Variants in IGFL2 observed in about 807,000 individuals in gnomAD.
The protein encoded by IGFL2 is IGF like family member 2.
A neutral mutation model predicts 13.9 loss-of-function variants in IGFL2; 7 were observed. The ratio of observed to expected loss-of-function variants is 0.51; its 90% CI spans 0.29 to 0.95. IGFL2 has a LOEUF of 0.95. Ranked by LOEUF, IGFL2 falls within the 40% of genes least tolerant of loss-of-function variation. IGFL2 has a pLI of 0.08. For missense variants in IGFL2, 138 were observed against 147.8 expected, an observed-to-expected ratio of 0.93 and a Z score of 0.34; for synonymous variants, 55 against 55.8, an observed-to-expected ratio of 0.99 and a Z score of 0.07.
At chr19:46,173,694 A>T in the IGFL2 span, 1 of 152,230 alleles carries the variant, frequency 6.6e-6, no homozygotes, top group Non-Finnish European at 1.5e-5. Context: ...TCCCATGACC[A>T]AAACACCTCC....
chr19:46,162,868 C>CCT (rs1255839350), downstream of IGFL2, among the ~76,000 whole-genome samples: 1 of 152,010 alleles, frequency 6.6e-6, no homozygotes, highest in Non-Finnish European at 1.5e-5. Flanking sequence ...GACATATGAC[C>CCT]CTCTGGCCAT....
At chr19:46,137,938 T>C in the IGFL2 span, among the ~76,000 whole-genome samples, 15 of 152,262 alleles carry the variant, frequency 9.9e-5, no homozygotes, top group Admixed American at 9.8e-4. Context: ...GTAGATTCTT[T>C]AGATAACTTG....
the IGFL2 span, among the ~76,000 whole-genome samples, chr19:46,100,119 A>C: frequency 1.3e-5 from 2 of 152,048 alleles, no homozygotes; most frequent in East Asian, 3.9e-4. Flanking sequence ...GCCTTCTGTC[A>C]ACTCATCCAT....
the IGFL2 span, among the ~76,000 whole-genome samples, chr19:46,122,762 A>C: frequency 1.3e-5 from 2 of 150,948 alleles, 1 homozygote; most frequent in African/African-American, 4.9e-5. Context: ...TACCTCTTAA[A>C]ACCCCCAACA....
the IGFL2 span, chr19:46,209,219 T>C: frequency 6.6e-6 from 1 of 152,294 alleles, no homozygotes; most frequent in Non-Finnish European, 1.5e-5. Flanking sequence ...GAAAGCATGA[T>C]GAAAGCCCTG....
chr19:46,173,181 G>A, the IGFL2 span, among the ~76,000 whole-genome samples: 2 of 152,146 alleles, frequency 1.3e-5, no homozygotes, highest in African/African-American at 4.8e-5. Context: ...TGAATGGGGT[G>A]GACTGTGCTA....
chr19:46,191,570 T>C, the IGFL2 span, among the ~76,000 whole-genome samples: 2 of 152,154 alleles, frequency 1.3e-5, no homozygotes, highest in African/African-American at 4.8e-5. Context: ...TACTTTGGAT[T>C]GAGTTCTCAA....
At chr19:46,158,251 A>G (rs1973930263) in intron 1 of IGFL2, among the ~76,000 whole-genome samples, 1 of 152,144 alleles carries the variant, frequency 6.6e-6, no homozygotes, top group Admixed American at 6.5e-5. Context: ...TCTGTCACCT[A>G]GACAGGAGTG....
the IGFL2 span, among the ~76,000 whole-genome samples, chr19:46,186,870 C>G: frequency 6.6e-6 from 1 of 152,190 alleles, no homozygotes; most frequent in Non-Finnish European, 1.5e-5. Context: ...GACAAGATGC[C>G]TGCTCTCTTA....
chr19:46,125,686 C>T, the IGFL2 span, among the ~76,000 whole-genome samples: 41 of 152,304 alleles, frequency 2.7e-4, no homozygotes, highest in African/African-American at 8.7e-4. Context: ...TCATTCTTAG[C>T]TTCCTGTACA....
the IGFL2 span, chr19:46,120,085 G>C: frequency 1.8e-6 from 1 of 545,900 alleles, no homozygotes; most frequent in Admixed American, 3.3e-5. Flanking sequence ...GGTAAATGTG[G>C]GGGATTTTAT....
At chr19:46,185,472 G>A in the IGFL2 span, among the ~76,000 whole-genome samples, 2 of 152,332 alleles carry the variant, frequency 1.3e-5, no homozygotes, top group Admixed American at 1.3e-4. Context: ...GATAGCAGCT[G>A]CCAAGTCAAG....
At chr19:46,106,069 G>T in the IGFL2 span, among the ~76,000 whole-genome samples, 1 of 152,230 alleles carries the variant, frequency 6.6e-6, no homozygotes, top group South Asian at 2.1e-4. Context: ...AAAGGAGAAA[G>T]TACCTTAACC....
the IGFL2 span, among the ~76,000 whole-genome samples, chr19:46,187,470 G>A: frequency 1.4e-5 from 2 of 143,424 alleles, no homozygotes; most frequent in Non-Finnish European, 3.0e-5. Flanking sequence ...GAGACGGTAA[G>A]CATTAACCCG....
the IGFL2 span, among the ~76,000 whole-genome samples, chr19:46,101,893 G>A: frequency 6.5e-4 from 99 of 152,348 alleles, no homozygotes; most frequent in African/African-American, 2.3e-3. Context: ...GTAACATTGA[G>A]GTGGGCAAAT....
the IGFL2 span, chr19:46,120,120 G>A: frequency 3.2e-6 from 2 of 625,170 alleles, no homozygotes; most frequent in Non-Finnish European, 5.3e-6. Context: ...GCTCTCAGCG[G>A]GAAGGGGAGC....
At chr19:46,158,825 C>T (rs1210989144) in intron 1 of IGFL2, among the ~76,000 whole-genome samples, 9 of 152,060 alleles carry the variant, frequency 5.9e-5, no homozygotes. Flanking sequence ...CTGATGCGGT[C>T]AGGATGATTA....
At chr19:46,159,210 C>G (rs1341208274) in intron 1 of IGFL2, 2 of 152,220 alleles carry the variant, frequency 1.3e-5, no homozygotes, top group Non-Finnish European at 2.9e-5. Flanking sequence ...CCAAATAGTT[C>G]TCCAGGGAGT....
the IGFL2 span, among the ~76,000 whole-genome samples, chr19:46,137,920 T>G: frequency 6.6e-6 from 1 of 152,246 alleles, no homozygotes; most frequent in Admixed American, 6.5e-5. Flanking sequence ...AGCTCTTGAA[T>G]CATTTTAGTA....
Sources: allele counts gnomAD v4.1 joint callset (sites outside exome capture counted in the v4.1 genomes callset), GRCh38; gene constraint gnomAD v4.1.1; transcripts MANE v1.5; gene names NCBI Gene and HGNC (gene_info 2026-07-23, HGNC 2026-07-21).